Variants in ZFYVE9 observed in about 807,000 individuals in gnomAD.
ZFYVE9 encodes the protein zinc finger FYVE-type containing 9, also known as zinc finger FYVE domain-containing protein 9.
Under a neutral mutation model 126.7 loss-of-function variants are expected in ZFYVE9, and 43 were observed. The ratio of observed to expected loss-of-function variants is 0.34; its 90% CI spans 0.27 to 0.44. The LOEUF (loss-of-function observed/expected upper bound fraction) is 0.44, where lower values mean the gene tolerates loss of function less well. Ranked by LOEUF, ZFYVE9 falls within the 20% of genes least tolerant of loss-of-function variation. The pLI is 1.00. For missense variants in ZFYVE9, 1,476 were observed against 1,697.0 expected (o/e 0.87, Z 2.29); for synonymous variants, 521 against 597.4 (o/e 0.87, Z 1.87).
At chr1:52,178,328 G>A (rs1444527485) in intron 1 of ZFYVE9, among the ~76,000 whole-genome samples, 1 of 147,164 alleles carries the variant, frequency 6.8e-6, no homozygotes, top group Non-Finnish European at 1.5e-5. Context: ...GCATATTTGG[G>A]CTTTTTTTTT....
intron 15 of ZFYVE9, 137 bp downstream of exon 15, chr1:52,334,905 T>C: frequency 1.3e-6 from 1 of 759,970 alleles, no homozygotes; most frequent in Admixed American, 2.6e-5. Context: ...AAAACTGCCA[T>C]GAGAGTGCTT....
intron 12 of ZFYVE9, among the ~76,000 whole-genome samples, chr1:52,297,211 A>G (rs1304429282): frequency 6.6e-6 from 1 of 151,962 alleles, no homozygotes; most frequent in Non-Finnish European, 1.5e-5. Flanking sequence ...ACTCAATTCA[A>G]AGTTCAGTAG....
chr1:52,288,365 G>A (rs1170673946), intron 10 of ZFYVE9, among the ~76,000 whole-genome samples: 1 of 152,298 alleles, frequency 6.6e-6, no homozygotes, highest in East Asian at 1.9e-4. Flanking sequence ...TGCCATCATA[G>A]CACACTCACT....
chr1:52,272,630 A>G (rs1449695153), intron 7 of ZFYVE9, among the ~76,000 whole-genome samples: 2 of 148,776 alleles, frequency 1.3e-5, no homozygotes, highest in Non-Finnish European at 3.0e-5. Context: ...AATTGTTTCC[A>G]GTTTTTGGCT....
At chr1:52,258,900 T>C (rs909537467) in intron 4 of ZFYVE9, among the ~76,000 whole-genome samples, 7 of 152,174 alleles carry the variant, frequency 4.6e-5, no homozygotes, top group African/African-American at 1.7e-4. Context: ...GCTTGCTTTT[T>C]TTTTTTTAAG....
At chr1:52,207,828 C>T (rs149698051) in intron 1 of ZFYVE9, among the ~76,000 whole-genome samples, 18 of 152,316 alleles carry the variant, frequency 1.2e-4, no homozygotes, top group African/African-American at 4.1e-4. Flanking sequence ...CTAATTCTTT[C>T]ACACAAATTG....
At chr1:52,319,753 G>A (rs1188789576) in intron 13 of ZFYVE9, among the ~76,000 whole-genome samples, 2 of 151,806 alleles carry the variant, frequency 1.3e-5, no homozygotes, top group African/African-American at 4.8e-5. Context: ...AGTGGCTCAG[G>A]CCTGTAATCC....
intron 1 of ZFYVE9, among the ~76,000 whole-genome samples, chr1:52,174,906 G>A (rs1352637948): frequency 4.6e-5 from 7 of 151,940 alleles, no homozygotes; most frequent in African/African-American, 7.3e-5. Flanking sequence ...GTCTGTGCAC[G>A]TGAGATGGGT....
intron 1 of ZFYVE9, among the ~76,000 whole-genome samples, chr1:52,206,633 C>G (rs969294384): frequency 2.0e-5 from 3 of 152,216 alleles, no homozygotes; most frequent in Admixed American, 6.5e-5. Context: ...TCACTGCAAC[C>G]TCCACCTCCC....
chr1:52,239,845 G>T (rs933968434), intron 4 of ZFYVE9, among the ~76,000 whole-genome samples: 1 of 152,156 alleles, frequency 6.6e-6, no homozygotes, highest in African/African-American at 2.4e-5. Flanking sequence ...AATTGAGGAA[G>T]TGTAAACTTT....
In ZFYVE9 at chr1:52,274,463, G is replaced by T; in HGVS notation, c.2626-1G>T. On this transcript the variant is annotated splice_acceptor_variant, in intron 7 of 18. Coordinates refer to ENST00000287727, the MANE Select transcript of ZFYVE9 (RefSeq NM_004799.4). LOFTEE classifies it high-confidence loss of function. ...TCACTTTGTTGATTTGCTTTTCCTA[G>T]ACGGATATTTGTCTATTCTCTGGGA... is the stretch of plus-strand genomic sequence containing the variant. The T allele has an allele frequency of 1.2e-6, 2 of 1,605,042 alleles. No individual in the cohort carries two copies. The highest frequency in any genetic ancestry group is 1.7e-6 in the Non-Finnish European group (2 of 1,173,904).
chr1:52,231,447 G>A (rs780003452), intron 2 of ZFYVE9, among the ~76,000 whole-genome samples: 2 of 151,894 alleles, frequency 1.3e-5, no homozygotes, highest in Non-Finnish European at 2.9e-5. Flanking sequence ...GAATCCAGGA[G>A]GGGGAGGTTG....
intron 1 of ZFYVE9, among the ~76,000 whole-genome samples, chr1:52,197,638 C>A (rs1644874006): frequency 6.7e-6 from 1 of 150,034 alleles, no homozygotes; most frequent in Admixed American, 6.7e-5. Flanking sequence ...TAGTATCACA[C>A]AAGTCATGGA....
At chr1:52,205,670 C>T (rs1390774517) in intron 1 of ZFYVE9, among the ~76,000 whole-genome samples, 2 of 152,142 alleles carry the variant, frequency 1.3e-5, no homozygotes, top group Non-Finnish European at 2.9e-5. Context: ...CCATGCCTGG[C>T]CACCTCACTT....
chr1:52,257,328 C>CT (rs1268246140), intron 4 of ZFYVE9, among the ~76,000 whole-genome samples: 1 of 152,082 alleles, frequency 6.6e-6, no homozygotes, highest in Admixed American at 6.6e-5. Context: ...GTGAGAAAAA[C>CT]TAAGACCTAG....
intron 2 of ZFYVE9, among the ~76,000 whole-genome samples, chr1:52,223,120 T>A (rs1645139483): frequency 6.6e-6 from 1 of 152,144 alleles, no homozygotes; most frequent in Non-Finnish European, 1.5e-5. Context: ...TATCAGGGGC[T>A]CTTGGTGGGA....
At chr1:52,307,766 T>G in intron 13 of ZFYVE9, among the ~76,000 whole-genome samples, 1 of 151,766 alleles carries the variant, frequency 6.6e-6, no homozygotes, top group Admixed American at 6.6e-5. Flanking sequence ...TTTTTTTTTT[T>G]TCTGATACGG....
chr1:52,255,977 T>C (rs188798384), intron 4 of ZFYVE9, among the ~76,000 whole-genome samples: 8,389 of 135,026 alleles, frequency 0.062, 1,192 homozygotes, highest in African/African-American at 0.26. Flanking sequence ...TCTTTCTTTC[T>C]TTCTTTCCTT....
At chr1:52,303,977 G>T (rs376193407) in intron 13 of ZFYVE9, 52 bp downstream of exon 13, 1 of 1,233,030 alleles carries the variant, frequency 8.1e-7, no homozygotes, top group Non-Finnish European at 1.1e-6. Flanking sequence ...ATGAGTGAAG[G>T]TGAAAAATGC....
Sources: gnomAD v4.1 joint callset for allele counts (sites outside exome capture counted in the v4.1 genomes callset) on GRCh38, gnomAD v4.1.1 for gene constraint, MANE v1.5 for transcripts, NCBI Gene and HGNC (gene_info 2026-07-23, HGNC 2026-07-21) for gene names.